PRKN: variants seen among roughly 807,000 people sequenced by gnomAD.
PRKN encodes E3 ubiquitin-protein ligase parkin.
In PRKN, 56 loss-of-function variants were observed where a neutral mutation model predicts 59.5. That is an observed-to-expected ratio of 0.94 (90% CI 0.76 to 1.18). PRKN has a LOEUF of 1.18. Ranked by LOEUF, PRKN falls within the 50% of genes most tolerant of loss-of-function variation. The pLI is 0.00. For missense variants in PRKN, 657 were observed against 596.4 expected, an observed-to-expected ratio of 1.10 and a Z score of -1.06; for synonymous variants, 250 against 222.1, an observed-to-expected ratio of 1.13 and a Z score of -1.12.
intron 1 of PRKN, among the ~76,000 whole-genome samples, chr6:162,701,528 G>A (rs1193823247): frequency 1.3e-5 from 2 of 150,810 alleles, no homozygotes; most frequent in Non-Finnish European, 3.0e-5. Flanking sequence ...TATAACAACA[G>A]TAATTTACAT....
intron 7 of PRKN, among the ~76,000 whole-genome samples, chr6:161,655,639 C>T (rs186137093): frequency 2.9e-4 from 44 of 152,252 alleles, no homozygotes; most frequent in Middle Eastern, 3.4e-3. Context: ...ACAATAACGA[C>T]AATACTGGAA....
chr6:162,197,878 C>T lies in PRKN; in HGVS notation c.534+3253G>A, dbSNP rs538461168. Among the ~76,000 whole-genome samples, 6 of 152,200 alleles carry T rather than the reference C, an allele frequency of 3.9e-5. No individual in the cohort carries two copies. The South Asian group carries it at 8.3e-4, about 21-fold the overall frequency. On this transcript the variant is annotated intron_variant, in intron 4 of 11. Transcript: ENST00000366898. ...GCTATTTATTCAGCATTACTTGATTCGTGTCTTTCTATGGACAAGGCACTT... is the reference window on the plus strand; with the variant it reads ...GCTATTTATTCAGCATTACTTGATTTGTGTCTTTCTATGGACAAGGCACTT...
chr6:162,450,051 A>C (rs926374669), intron 1 of PRKN, among the ~76,000 whole-genome samples: 3 of 152,196 alleles, frequency 2.0e-5, no homozygotes, highest in Admixed American at 2.0e-4. Flanking sequence ...GAAGCAAAAC[A>C]CCAAGACTGG....
At chr6:162,245,206 C>T (rs750890468) in intron 3 of PRKN, among the ~76,000 whole-genome samples, 9 of 151,988 alleles carry the variant, frequency 5.9e-5, no homozygotes, top group African/African-American at 1.4e-4. Flanking sequence ...TTTTACAACT[C>T]GGTAGGAGCA....
intron 7 of PRKN, among the ~76,000 whole-genome samples, chr6:161,714,529 C>T (rs1025250373): frequency 6.6e-6 from 1 of 152,192 alleles, no homozygotes; most frequent in Non-Finnish European, 1.5e-5. Flanking sequence ...GCCTCCAGAG[C>T]TCAGGGTGAT....
At chr6:161,802,152 C>T (rs958326789) in intron 6 of PRKN, among the ~76,000 whole-genome samples, 3 of 152,070 alleles carry the variant, frequency 2.0e-5, no homozygotes, top group African/African-American at 4.8e-5. Context: ...AGTCATTATT[C>T]TCCAAACAGC....
intron 2 of PRKN, among the ~76,000 whole-genome samples, chr6:162,359,915 G>A (rs1009255169): frequency 3.3e-5 from 5 of 152,054 alleles, no homozygotes; most frequent in African/African-American, 9.7e-5. Flanking sequence ...ATTTTTATCC[G>A]AAAATCTTTT....
chr6:161,504,314 G>A (rs1444450347), intron 9 of PRKN, among the ~76,000 whole-genome samples: 1 of 152,138 alleles, frequency 6.6e-6, no homozygotes, highest in Non-Finnish European at 1.5e-5. Context: ...GGCAGGGATT[G>A]CCATGGGGAC....
At position 161,373,755 on chromosome 6, in the gene PRKN, G is replaced by A. The variant is rs1785537505; in HGVS notation, c.1167+13039C>T. The stretch of plus-strand genomic sequence containing the variant: ...CAGGTGAACCGTTTTCCTCACACAT[G>A]GTCAACATGCTTTTCTGTGGAGTGA... On this transcript the variant is annotated intron_variant, in intron 10 of 11. Coordinates refer to ENST00000366898, the MANE Select transcript of PRKN (RefSeq NM_004562.3). This position sits in a 1 kb window ranked among gnomAD's most constrained non-coding sequence, Gnocchi z 4.8. Among the ~76,000 whole-genome samples, 1 of 151,656 alleles carries A rather than the reference G, an allele frequency of 6.6e-6. No individual in the cohort carries two copies. The highest frequency in any genetic ancestry group is 1.5e-5 in the Non-Finnish European group (1 of 67,886).
chr6:162,467,398 G>T (rs955596189), intron 1 of PRKN, among the ~76,000 whole-genome samples: 1 of 152,082 alleles, frequency 6.6e-6, no homozygotes, highest in African/African-American at 2.4e-5. Flanking sequence ...CTTAACATCA[G>T]TGACTGCCCC....
At chr6:161,874,410 A>G (rs184387358) in intron 6 of PRKN, among the ~76,000 whole-genome samples, 156 of 78,482 alleles carry the variant, frequency 2.0e-3, no homozygotes, top group East Asian at 5.5e-3. Flanking sequence ...AATATTATAT[A>G]TAAAATATAT....
At chr6:162,702,671 T>C (rs1334159476) in intron 1 of PRKN, among the ~76,000 whole-genome samples, 2 of 152,224 alleles carry the variant, frequency 1.3e-5, no homozygotes, top group African/African-American at 4.8e-5. Flanking sequence ...ATTGCAGGAA[T>C]AAAGCAATGT....
chr6:162,032,853 G>A (rs755506389), intron 5 of PRKN, among the ~76,000 whole-genome samples: 1 of 152,054 alleles, frequency 6.6e-6, no homozygotes, highest in Admixed American at 6.6e-5. Context: ...TGAACCCAAT[G>A]CTCCCACATG....
chr6:161,656,303 G>A (rs965276275), intron 7 of PRKN, among the ~76,000 whole-genome samples: 3 of 152,134 alleles, frequency 2.0e-5, no homozygotes, highest in African/African-American at 4.8e-5. Flanking sequence ...ATCCATCCGC[G>A]CCTCTCACAC....
chr6:162,608,028 T>C (rs1429892790), intron 1 of PRKN, among the ~76,000 whole-genome samples: 4 of 152,212 alleles, frequency 2.6e-5, no homozygotes, highest in Admixed American at 1.3e-4. Context: ...TCCAACATCT[T>C]GTGGCTGCAC....
intron 9 of PRKN, among the ~76,000 whole-genome samples, chr6:161,455,604 G>A (rs755684769): frequency 3.3e-5 from 5 of 152,164 alleles, no homozygotes; most frequent in African/African-American, 7.2e-5. Context: ...AGGGGCTCAC[G>A]CCTGTAATCC....
chr6:162,345,854 CAT>C (rs71817537), intron 2 of PRKN, among the ~76,000 whole-genome samples: 8,980 of 152,176 alleles, frequency 0.059, 894 homozygotes, highest in African/African-American at 0.21. Flanking sequence ...CCTCAAATTT[CAT>C]ATGTTGGAAA....
At chr6:161,888,765 C>T (rs1369181818) in intron 6 of PRKN, among the ~76,000 whole-genome samples, 3 of 152,112 alleles carry the variant, frequency 2.0e-5, no homozygotes, top group Non-Finnish European at 2.9e-5. Flanking sequence ...TTCAACTCTA[C>T]TAGAACCTTC....
chr6:161,810,499 G>T (rs1349072690), intron 6 of PRKN, among the ~76,000 whole-genome samples: 1 of 152,130 alleles, frequency 6.6e-6, no homozygotes, highest in African/African-American at 2.4e-5. Context: ...ATAAGAGGAG[G>T]TCCTAGACAA....
Sources: allele counts gnomAD v4.1 joint callset (sites outside exome capture counted in the v4.1 genomes callset), GRCh38; gene constraint gnomAD v4.1.1; non-coding constraint Gnocchi (gnomAD v3.1); transcripts MANE v1.5; gene names NCBI Gene and HGNC (gene_info 2026-07-23, HGNC 2026-07-21).